Variants in SEMA6D observed in about 807,000 individuals in gnomAD.
SEMA6D encodes the protein semaphorin-6D.
SEMA6D carries 35 observed loss-of-function variants against 106.6 expected under a neutral mutation model. The observed-to-expected ratio is 0.33, with a 90% confidence interval of 0.25 to 0.44. SEMA6D has a LOEUF of 0.44. SEMA6D is among the 20% of genes least tolerant of loss of function. The probability of loss-of-function intolerance (pLI) is 1.00; values close to 1 mark genes in which losing one functional copy is unlikely to be tolerated. For synonymous variants in SEMA6D, 499 were observed against 487.7 expected, an observed-to-expected ratio of 1.02 and a Z score of -0.31; for missense variants, 1,185 against 1,345.9, an observed-to-expected ratio of 0.88 and a Z score of 1.87.
intron 3 of SEMA6D, among the ~76,000 whole-genome samples, chr15:47,516,241 T>C (rs1215191155): frequency 6.6e-6 from 1 of 152,280 alleles, no homozygotes. Context: ...TGTAAACTTA[T>C]CTCATTAGTA....
intron 3 of SEMA6D, among the ~76,000 whole-genome samples, chr15:47,495,628 G>A (rs2043629393): frequency 6.6e-6 from 1 of 151,928 alleles, no homozygotes; most frequent in African/African-American, 2.4e-5. Context: ...TATGTGTGGG[G>A]TGGTACTTTC....
intron 1 of SEMA6D, among the ~76,000 whole-genome samples, chr15:47,720,261 C>CTTTTT (rs869122623): frequency 1.4e-3 from 132 of 96,798 alleles, no homozygotes; most frequent in Middle Eastern, 9.8e-3. Context: ...AATAACCTTT[C>CTTTTT]TTTTTTTTTT....
intron 4 of SEMA6D, among the ~76,000 whole-genome samples, chr15:47,609,516 G>A (rs1035641432): frequency 1.3e-5 from 2 of 152,096 alleles, no homozygotes; most frequent in African/African-American, 4.8e-5. Flanking sequence ...AAATTGAGGA[G>A]CAACTCCCTT....
At chr15:47,622,856 G>T (rs2077132882) in intron 4 of SEMA6D, among the ~76,000 whole-genome samples, 1 of 152,128 alleles carries the variant, frequency 6.6e-6, no homozygotes, top group African/African-American at 2.4e-5. Context: ...GAAACTTCTG[G>T]CATTCTGCAA....
At chr15:47,462,633 C>T (rs1292120881) in intron 2 of SEMA6D, among the ~76,000 whole-genome samples, 1 of 152,010 alleles carries the variant, frequency 6.6e-6, no homozygotes, top group East Asian at 1.9e-4. Context: ...TTCGGATTTT[C>T]AGATAGAAAC....
chr15:47,302,310 GCC>G (rs2036054516), intron 1 of SEMA6D, among the ~76,000 whole-genome samples: 1 of 152,040 alleles, frequency 6.6e-6, no homozygotes, highest in Admixed American at 6.6e-5. Flanking sequence ...CCATATGTAA[GCC>G]CTTTTCTGTC....
intron 1 of SEMA6D, among the ~76,000 whole-genome samples, chr15:47,328,440 G>T (rs2037217044): frequency 6.6e-6 from 1 of 152,168 alleles, no homozygotes; most frequent in Non-Finnish European, 1.5e-5. Flanking sequence ...TTACAGAAAA[G>T]ACAAAGCTTT....
chr15:47,227,213 G>A (rs886469225), intron 1 of SEMA6D, among the ~76,000 whole-genome samples: 4 of 152,032 alleles, frequency 2.6e-5, no homozygotes, highest in African/African-American at 9.7e-5. Context: ...CAAGGAAACA[G>A]CTACATATAA....
chr15:47,548,430 C>T (rs745583314), intron 3 of SEMA6D, among the ~76,000 whole-genome samples: 1 of 152,232 alleles, frequency 6.6e-6, no homozygotes. Flanking sequence ...TGGAAGCAAA[C>T]ACAGAAATGG....
At chr15:47,319,008 C>T (rs1987477) in intron 1 of SEMA6D, among the ~76,000 whole-genome samples, 150,612 of 152,316 alleles carry the variant, frequency 0.99, 74,474 homozygotes, top group Middle Eastern at 1. Flanking sequence ...TTCTTTGATA[C>T]AGTTTTCTTT....
At chr15:47,451,853 TTGG>T (rs1243818061) in intron 2 of SEMA6D, among the ~76,000 whole-genome samples, 1 of 152,044 alleles carries the variant, frequency 6.6e-6, no homozygotes, top group African/African-American at 2.4e-5. Flanking sequence ...GGACATGCTG[TTGG>T]TCTTGATTTT....
chr15:47,551,283 C>T (rs1265402695), intron 3 of SEMA6D, among the ~76,000 whole-genome samples: 1 of 152,092 alleles, frequency 6.6e-6, no homozygotes, highest in African/African-American at 2.4e-5. Flanking sequence ...GCACACTTAT[C>T]TCCTGAGTTA....
At chr15:47,383,420 C>T (rs1322676171) in intron 1 of SEMA6D, among the ~76,000 whole-genome samples, 1 of 152,202 alleles carries the variant, frequency 6.6e-6, no homozygotes, top group South Asian at 2.1e-4. Flanking sequence ...TGATTGGTCT[C>T]TAACTCCTAT....
intron 1 of SEMA6D, among the ~76,000 whole-genome samples, chr15:47,265,053 G>C (rs2034255155): frequency 6.6e-6 from 1 of 152,014 alleles, no homozygotes; most frequent in Non-Finnish European, 1.5e-5. Context: ...GTGCATAAGA[G>C]ATACTGGTCT....
At chr15:47,248,929 C>G (rs533797333) in intron 1 of SEMA6D, among the ~76,000 whole-genome samples, 1 of 152,268 alleles carries the variant, frequency 6.6e-6, no homozygotes, top group East Asian at 1.9e-4. Context: ...TCTGAAGCTT[C>G]AGTTAACAGT....
intron 4 of SEMA6D, among the ~76,000 whole-genome samples, chr15:47,612,074 A>T (rs2076917579): frequency 6.6e-6 from 1 of 152,158 alleles, no homozygotes; most frequent in Admixed American, 6.5e-5. Flanking sequence ...AAGTGGAATT[A>T]GTTGGTTAGG....
At chr15:47,703,006 G>C (rs975040849) in intron 4 of SEMA6D, among the ~76,000 whole-genome samples, 1 of 152,164 alleles carries the variant, frequency 6.6e-6, no homozygotes, top group African/African-American at 2.4e-5. Flanking sequence ...TGTAAATGCA[G>C]TGTGTAGGTG....
chr15:47,400,758 A>G (rs2040372934), intron 1 of SEMA6D, among the ~76,000 whole-genome samples: 1 of 152,204 alleles, frequency 6.6e-6, no homozygotes, highest in African/African-American at 2.4e-5. Flanking sequence ...CCTGTGGCCT[A>G]TTTCTAAAGC....
intron 1 of SEMA6D, among the ~76,000 whole-genome samples, chr15:47,222,193 T>C (rs2031266587): frequency 6.6e-6 from 1 of 152,170 alleles, no homozygotes; most frequent in Non-Finnish European, 1.5e-5. Context: ...ATGGGACTAG[T>C]CTTTCACAAA....
Sources: gnomAD v4.1 joint callset for allele counts (sites outside exome capture counted in the v4.1 genomes callset) on GRCh38, gnomAD v4.1.1 for gene constraint, MANE v1.5 for transcripts, NCBI Gene and HGNC (gene_info 2026-07-23, HGNC 2026-07-21) for gene names.